WNK3: variants seen among roughly 807,000 people sequenced by gnomAD.
WNK3 encodes the protein WNK lysine deficient protein kinase 3.
In WNK3, 18 loss-of-function variants were observed where a neutral mutation model predicts 116.7. That is an observed-to-expected ratio of 0.15 (90% CI 0.11 to 0.23). The LOEUF (loss-of-function observed/expected upper bound fraction) is 0.23, where lower values mean the gene tolerates loss of function less well. Ranked by LOEUF, WNK3 falls within the 10% of genes least tolerant of loss-of-function variation. The probability of loss-of-function intolerance (pLI) is 1.00; values close to 1 mark genes in which losing one functional copy is unlikely to be tolerated. For synonymous variants in WNK3, 404 were observed against 469.4 expected (o/e 0.86, Z 1.80); for missense variants, 993 against 1,323.8 (o/e 0.75, Z 3.88).
chrX:54,257,468 C>T (rs1557155736), intron 11 of WNK3, among the ~76,000 whole-genome samples: 2 of 111,020 alleles, frequency 1.8e-5, no homozygotes, highest in African/African-American at 6.5e-5. Flanking sequence ...AGAACCTATG[C>T]ATCTAAACAA....
chrX:54,285,061 T>C (rs2068564851), intron 10 of WNK3, among the ~76,000 whole-genome samples: 3 of 110,870 alleles, frequency 2.7e-5, no homozygotes, highest in African/African-American at 6.6e-5. Context: ...CAAGAATATA[T>C]ATTATATTGT....
At position 54,228,747 on chromosome X, in the gene WNK3, A is replaced by G. The variant is rs1557148358; in HGVS notation, c.4841-4T>C. Reference sequence around the variant, plus strand: ...TCATTTATAAGGCAGCTTTTCCCTGATATCAAACCAGAAAAAGATAGTATC... The same window carrying G: ...TCATTTATAAGGCAGCTTTTCCCTGGTATCAAACCAGAAAAAGATAGTATC... On this transcript the variant is annotated splice_region_variant and splice_polypyrimidine_tract_variant and intron_variant, in intron 21 of 23. Transcript: ENST00000354646. 1.7e-5 allele frequency: 8 copies of G among 484,138 alleles called. No homozygotes were observed. In the Admixed American group the frequency reaches 1.9e-4, roughly 11 times the overall value. 39.9% of individuals were successfully genotyped at this position (484,138 alleles called of 1,213,427 possible). A position where few individuals can be genotyped will look rare whatever the true frequency, so the allele number is the denominator to read the frequency against.
chrX:54,215,193 C>T (rs1313072497), intron 22 of WNK3, among the ~76,000 whole-genome samples: 1 of 108,885 alleles, frequency 9.2e-6, no homozygotes, highest in East Asian at 2.9e-4. Context: ...CTCTCCCTCT[C>T]TCTCCGTCTC....
At chrX:54,252,945 A>T (rs1357097993) in intron 13 of WNK3, among the ~76,000 whole-genome samples, 1 of 108,790 alleles carries the variant, frequency 9.2e-6, no homozygotes, top group South Asian at 3.9e-4. Context: ...AGAAAATAAT[A>T]AAAAAAAATA....
intron 2 of WNK3, 114 bp from the exon 3 acceptor site, chrX:54,311,405 ATTTT>A: frequency 3.5e-6 from 2 of 567,016 alleles, no homozygotes; most frequent in Non-Finnish European, 5.5e-6. Flanking sequence ...ATATTTATTT[ATTTT>A]TGCCTGTCAA....
At chrX:54,282,489 A>G (rs1478974755) in intron 10 of WNK3, among the ~76,000 whole-genome samples, 2 of 111,725 alleles carry the variant, frequency 1.8e-5, no homozygotes, top group Non-Finnish European at 3.8e-5. Context: ...CGAAGACTTC[A>G]TATTACTAAG....
At chrX:54,216,988 C>T (rs1291821907) in intron 22 of WNK3, among the ~76,000 whole-genome samples, 1 of 111,976 alleles carries the variant, frequency 8.9e-6, no homozygotes, top group African/African-American at 3.2e-5. Context: ...CCAGCCTGGA[C>T]AACATAGCAA....
chrX:54,314,204 C>CAA (rs1302269954), intron 2 of WNK3, among the ~76,000 whole-genome samples: 2 of 78,336 alleles, frequency 2.6e-5, no homozygotes, highest in Non-Finnish European at 2.5e-5. Context: ...AAAAAAAAAA[C>CAA]AAAAAAAAAA....
chrX:54,255,871 C>T (rs1398509697), exon 12 of WNK3: 18 of 1,197,271 alleles, frequency 1.5e-5, no homozygotes, highest in Non-Finnish European at 1.9e-5. Context: ...TTCGTAGTTG[C>T]CACATCTTGA....
At chrX:54,240,140 A>G in intron 17 of WNK3, among the ~76,000 whole-genome samples, 1 of 110,825 alleles carries the variant, frequency 9.0e-6, no homozygotes. Flanking sequence ...CCCCGTCTCT[A>G]CTAAAAATAC....
intron 1 of WNK3, among the ~76,000 whole-genome samples, chrX:54,356,864 C>T (rs782721954): frequency 9.1e-6 from 1 of 109,931 alleles, no homozygotes; most frequent in South Asian, 4.0e-4. Flanking sequence ...TACTCACGTG[C>T]AGGATTTCCA....
At position 54,207,780 on chromosome X, in the gene WNK3, C is replaced by T. The variant is rs192066840; in HGVS notation, c.4871-5587G>A. Among the ~76,000 whole-genome samples, 561 of 110,930 alleles carry T rather than the reference C, an allele frequency of 5.1e-3. 2 individuals are homozygous for T. The highest frequency in any genetic ancestry group is 0.018 in the African/African-American group (549 of 30,562). On this transcript the variant is annotated intron_variant, in intron 22 of 23. Coordinates refer to ENST00000354646, the Ensembl canonical transcript of WNK3. The stretch of plus-strand genomic sequence containing the variant: ...CCACCCGCCCCAGCCTCCCAAAGTG[C>T]TGGGATTACAGGCGTGAGCCACTGC...
At chrX:54,213,160 A>AT (rs1173947642) in intron 22 of WNK3, among the ~76,000 whole-genome samples, 3 of 109,413 alleles carry the variant, frequency 2.7e-5, no homozygotes, top group South Asian at 3.9e-4. Context: ...TTTTTTTTAA[A>AT]TTTTTTGTAG....
In WNK3 at chrX:54,218,582, AAAAAG is replaced by A. The variant is rs1487812835; in HGVS notation, c.4870+10127_4870+10131del. Among the ~76,000 whole-genome samples the A allele has an allele frequency of 1.1e-4, 12 of 109,530 alleles. No individual in the cohort carries two copies. The South Asian group carries it at 3.9e-3, about 36-fold the overall frequency. On this transcript the variant is annotated intron_variant, in intron 22 of 23. Transcript: ENST00000354646. Reference sequence around the variant, plus strand: ...AAGAAAAAAGAATTAAAAAAAAAAAAAAAAGAAAAGAAAAGAAAGAGGCCGGGTGT... The same window carrying A: ...AAGAAAAAAGAATTAAAAAAAAAAAAAAAAGAAAAGAAAGAGGCCGGGTGT...
At chrX:54,319,453 A>G (rs782112113) in intron 2 of WNK3, among the ~76,000 whole-genome samples, 1 of 111,974 alleles carries the variant, frequency 8.9e-6, no homozygotes, top group East Asian at 2.8e-4. Flanking sequence ...ATGAGTCACC[A>G]TACCTGGCCA....
exon 8 of WNK3, chrX:54,294,768 T>C: frequency 8.3e-7 from 1 of 1,211,378 alleles, no homozygotes; most frequent in Non-Finnish European, 1.1e-6. Context: ...CTCTCTTGTC[T>C]TCTTTATTGG....
intron 10 of WNK3, among the ~76,000 whole-genome samples, chrX:54,280,708 C>A (rs1184362061): frequency 9.0e-6 from 1 of 111,235 alleles, no homozygotes; most frequent in African/African-American, 3.3e-5. Context: ...CATGTTCTCA[C>A]ATATAAGTGG....
chrX:54,326,550 A>C (rs2069107906), intron 2 of WNK3, among the ~76,000 whole-genome samples: 1 of 111,019 alleles, frequency 9.0e-6, no homozygotes, highest in African/African-American at 3.3e-5. Context: ...CAAAAATTAA[A>C]GACTGGGTGC....
At chrX:54,349,491 A>C (rs1422211406) in intron 1 of WNK3, among the ~76,000 whole-genome samples, 2 of 111,826 alleles carry the variant, frequency 1.8e-5, no homozygotes, top group Non-Finnish European at 3.8e-5. Flanking sequence ...CACAAACTAC[A>C]CCATGTTCCT....
Sources: gnomAD v4.1 joint callset for allele counts (sites outside exome capture counted in the v4.1 genomes callset) on GRCh38, gnomAD v4.1.1 for gene constraint, MANE v1.5 for transcripts, NCBI Gene and HGNC (gene_info 2026-07-23, HGNC 2026-07-21) for gene names.